The following DPYSL4 variants were observed in gnomAD, a reference collection of about 807,000 sequenced individuals.
DPYSL4 encodes the protein dihydropyrimidinase-related protein 4.
A neutral mutation model predicts 63.4 loss-of-function variants in DPYSL4; 43 were observed. The ratio of observed to expected loss-of-function variants is 0.68; its 90% CI spans 0.53 to 0.88. DPYSL4 has a LOEUF of 0.88. Ranked by LOEUF, DPYSL4 falls within the 40% of genes least tolerant of loss-of-function variation. The pLI is 0.00. For missense variants in DPYSL4, 733 were observed against 819.5 expected, an observed-to-expected ratio of 0.89 and a Z score of 1.29; for synonymous variants, 353 against 331.7, an observed-to-expected ratio of 1.06 and a Z score of -0.70.
At chr10:132,199,422 C>A in intron 8 of DPYSL4, among the ~76,000 whole-genome samples, 1 of 151,922 alleles carries the variant, frequency 6.6e-6, no homozygotes, top group Non-Finnish European at 1.5e-5. Context: ...GGGTGCCACC[C>A]AGAGCTGTGA....
chr10:132,191,003 G>A (rs2061867431), intron 2 of DPYSL4, among the ~76,000 whole-genome samples, 168 bp downstream of exon 2: 4 of 149,940 alleles, frequency 2.7e-5, no homozygotes, highest in African/African-American at 7.4e-5. Context: ...CGCTGGCCAC[G>A]TGGTATCCAG....
intron 10 of DPYSL4, 32 bp downstream of exon 10, chr10:132,201,015 T>C (rs765204934): frequency 6.2e-7 from 1 of 1,608,034 alleles, no homozygotes. Flanking sequence ...GCACGCCGTC[T>C]GGGGAGCGGC....
chr10:132,196,231 G>A (rs1233719150), intron 4 of DPYSL4, among the ~76,000 whole-genome samples: 5 of 152,222 alleles, frequency 3.3e-5, no homozygotes, highest in African/African-American at 7.2e-5. Context: ...CACAAGTTCC[G>A]AGTCCTGGGG....
chr10:132,187,373 CCTGCCCGGCCTTGCCCG>C (rs2061815562), intron 1 of DPYSL4, among the ~76,000 whole-genome samples: 1 of 16,542 alleles, frequency 6.0e-5, no homozygotes. Context: ...CCTGCCGGGC[CCTGCCCGGCCTTGCCCG>C]GCCTTGCCGG....
At chr10:132,187,791 A>G (rs1474827225) in intron 1 of DPYSL4, among the ~76,000 whole-genome samples, 1 of 152,094 alleles carries the variant, frequency 6.6e-6, no homozygotes, top group African/African-American at 2.4e-5. Flanking sequence ...CCCCTCCCCA[A>G]CACCCACACG....
chr10:132,198,791 C>G, intron 7 of DPYSL4, 60 bp from the exon 8 acceptor site: 1 of 1,597,870 alleles, frequency 6.3e-7, no homozygotes, highest in Non-Finnish European at 8.5e-7. Flanking sequence ...CCCCATTGCC[C>G]ACACTGGTCT....
intron 11 of DPYSL4, 60 bp from the exon 12 acceptor site, chr10:132,202,586 G>A (rs1336415908): frequency 3.7e-5 from 59 of 1,592,462 alleles, no homozygotes; most frequent in Admixed American, 8.5e-5. Context: ...GCGGCTCAAC[G>A]GGGATGGGAC....
At position 132,198,848 on chromosome 10, in the gene DPYSL4, C is replaced by A; in HGVS notation, c.691-3C>A. The A allele has an allele frequency of 6.2e-7, 1 of 1,612,834 alleles. No individual in the cohort carries two copies. The highest frequency in any genetic ancestry group is 8.5e-7 in the Non-Finnish European group (1 of 1,179,854). ...GGCCTCATCCCTCTCATCTCGTCCC[C>A]AGGTGGAGGCTGAGGCGGTGTACCG... On this transcript the variant is annotated splice_region_variant and splice_polypyrimidine_tract_variant and intron_variant, in intron 7 of 13. Coordinates refer to ENST00000338492, the MANE Select transcript of DPYSL4 (RefSeq NM_006426.3).
At chr10:132,197,202 A>G (rs949378744) in intron 6 of DPYSL4, 101 bp downstream of exon 6, 5 of 1,045,702 alleles carry the variant, frequency 4.8e-6, no homozygotes, top group East Asian at 2.6e-5. Flanking sequence ...CTTTCATGAT[A>G]CGCAGACATC....
chr10:132,198,136 G>A (rs536647898), intron 6 of DPYSL4, among the ~76,000 whole-genome samples: 105 of 152,340 alleles, frequency 6.9e-4, no homozygotes, highest in African/African-American at 2.5e-3. Context: ...ATAGTGGTGG[G>A]AGGGTGGGGT....
Position 132,204,957 on chromosome 10 carries a change from TGCTGGCCCCACCCGA to T in DPYSL4, c.*29_*43del. The stretch of plus-strand genomic sequence containing the variant: ...CGCCCAGGACCGGCCCTGTGAGCCG[TGCTGGCCCCACCCGA>T]GGCCGCGGGGGCCCCAGGGCACTCG... On this transcript the variant is annotated 3_prime_UTR_variant, in exon 14 of 14. Coordinates refer to ENST00000338492, the MANE Select transcript of DPYSL4 (RefSeq NM_006426.3). The T allele has an allele frequency of 1.3e-6, 2 of 1,579,418 alleles. No individual in the cohort carries two copies. The highest frequency in any genetic ancestry group is 2.3e-5 in the South Asian group (2 of 86,088).
In DPYSL4 at chr10:132,202,101, C is replaced by T; in HGVS notation, c.1266C>T (p.Ala422=). 1.2e-6 allele frequency: 2 copies of T among 1,612,678 alleles called. No homozygotes were observed. Among genetic ancestry groups the T allele is most frequent in the Non-Finnish European group, 1.7e-6 (2 of 1,179,708 alleles). Reference sequence around the variant, plus strand: ...CCAAGGCCACCAAGATCATCTCTGCCAAGACCCACAATCTGGTAAGAGAAG... The same window carrying T: ...CCAAGGCCACCAAGATCATCTCTGCTAAGACCCACAATCTGGTAAGAGAAG... ...WNPKATKIIS[A]KTHNLNVEYN... The change falls in exon 11 of 14, where the codon GCC becomes GCT. Residue 422 remains alanine, a synonymous_variant. Coordinates refer to ENST00000338492, the MANE Select transcript of DPYSL4 (RefSeq NM_006426.3).
chr10:132,190,046 G>A (rs2061853099), intron 1 of DPYSL4, among the ~76,000 whole-genome samples: 1 of 152,244 alleles, frequency 6.6e-6, no homozygotes, highest in South Asian at 2.1e-4. Flanking sequence ...CGCTCGCCAT[G>A]TCTGCCTTGC....
chr10:132,191,727 A>ATTGACTTTTG (rs1590090240), intron 2 of DPYSL4, among the ~76,000 whole-genome samples: 1 of 90,018 alleles, frequency 1.1e-5, no homozygotes, highest in African/African-American at 3.8e-5. Flanking sequence ...GTATCCAGGC[A>ATTGACTTTTG]GGTGAAAGTA....
At chr10:132,204,706 G>C in intron 13 of DPYSL4, 133 bp from the exon 14 acceptor site, 2 of 671,256 alleles carry the variant, frequency 3.0e-6, no homozygotes, top group Non-Finnish European at 4.7e-6. Context: ...TTGGCCTTCT[G>C]GTGGTGGCAG....
chr10:132,190,260 C>T lies in DPYSL4; in HGVS notation c.40-487C>T, dbSNP rs528219484. Among the ~76,000 whole-genome samples the T allele has an allele frequency of 5.9e-5, 9 of 152,352 alleles. No homozygotes were observed. In the South Asian group the frequency reaches 1.9e-3, roughly 32 times the overall value. ...TGCCTGTGGGGGCGCTGTCTGCCTC[C>T]GCCTCCTGGCACCATCACTGGTCTG... is the stretch of plus-strand genomic sequence containing the variant. On this transcript the variant is annotated intron_variant, in intron 1 of 13. Transcript: ENST00000338492.
intron 1 of DPYSL4, among the ~76,000 whole-genome samples, 160 bp downstream of exon 1, chr10:132,187,262 C>G (rs967918552): frequency 1.3e-5 from 2 of 151,648 alleles, no homozygotes; most frequent in Non-Finnish European, 2.9e-5. Context: ...GGCTCCTTCG[C>G]GCCCCAGGGT....
intron 6 of DPYSL4, 24 bp from the exon 7 acceptor site, chr10:132,198,391 G>C: frequency 1.9e-6 from 3 of 1,597,246 alleles, no homozygotes; most frequent in Non-Finnish European, 2.6e-6. Flanking sequence ...GGCTTGGAGC[G>C]AGGCATCCTG....
At chr10:132,191,389 G>T (rs2061874613) in intron 2 of DPYSL4, among the ~76,000 whole-genome samples, 1 of 138,534 alleles carries the variant, frequency 7.2e-6, no homozygotes, top group African/African-American at 2.7e-5. Context: ...TGGTCACGTG[G>T]TATCCAGGCA....
Sources: gnomAD v4.1 joint callset for allele counts (sites outside exome capture counted in the v4.1 genomes callset) on GRCh38, gnomAD v4.1.1 for gene constraint, MANE v1.5 for transcripts, NCBI Gene and HGNC (gene_info 2026-07-23, HGNC 2026-07-21) for gene names.